The following SH2D4B variants were observed in gnomAD, a reference collection of about 807,000 sequenced individuals.
SH2D4B encodes the protein SH2 domain-containing protein 4B.
SH2D4B carries 45 observed loss-of-function variants against 61.5 expected under a neutral mutation model. The observed-to-expected ratio is 0.73, with a 90% CI of 0.58 to 0.94. The LOEUF is 0.94. SH2D4B is among the 40% of genes least tolerant of loss of function. The pLI, the probability that SH2D4B is intolerant of heterozygous loss-of-function variation, is 0.00. For missense variants in SH2D4B, 572 were observed against 574.2 expected (o/e 1.00, Z 0.04); for synonymous variants, 224 against 220.4 (o/e 1.02, Z -0.14).
At position 80,538,037 on chromosome 10, in the gene SH2D4B, C is replaced by T. The variant is rs545730040; in HGVS notation, c.-295C>T. 11 of 187,234 alleles carry T rather than the reference C, an allele frequency of 5.9e-5. No homozygotes were observed. Among genetic ancestry groups the T allele is most frequent in the Middle Eastern group, 2.0e-3 (1 of 504 alleles). 11.6% of individuals were successfully genotyped at this position (187,234 alleles called of 1,614,324 possible). On this transcript the variant is annotated 5_prime_UTR_variant, in exon 1 of 8. Coordinates refer to ENST00000646907, the MANE Select transcript of SH2D4B (RefSeq NM_001388272.1). The surrounding 1 kb of genome is among the most constrained non-coding windows in gnomAD (Gnocchi z 4.8). Reference sequence around the variant, plus strand: ...CAAGACATGGGCTCTCCTGGGATGCCGTGCTTGGTGACCCAGGAGAAGGAC... The same window carrying T: ...CAAGACATGGGCTCTCCTGGGATGCTGTGCTTGGTGACCCAGGAGAAGGAC...
At chr10:80,635,873 T>C (rs1408496918) in intron 7 of SH2D4B, among the ~76,000 whole-genome samples, 2 of 152,216 alleles carry the variant, frequency 1.3e-5, no homozygotes, top group African/African-American at 4.8e-5. Context: ...CAGGTATACA[T>C]GTGCCATGTT....
intron 1 of SH2D4B, among the ~76,000 whole-genome samples, chr10:80,559,953 T>C (rs1431260703): frequency 6.6e-6 from 1 of 151,870 alleles, no homozygotes; most frequent in African/African-American, 2.4e-5. Flanking sequence ...ATCTATTTTC[T>C]TGCTATATAG....
At chr10:80,634,763 G>A (rs905678767) in intron 7 of SH2D4B, among the ~76,000 whole-genome samples, 1 of 152,140 alleles carries the variant, frequency 6.6e-6, no homozygotes, top group South Asian at 2.1e-4. Flanking sequence ...TTCTCACCTT[G>A]GGTACCTGAG....
At chr10:80,581,049 C>T (rs1456213769) in intron 3 of SH2D4B, among the ~76,000 whole-genome samples, 1 of 152,198 alleles carries the variant, frequency 6.6e-6, no homozygotes, top group Non-Finnish European at 1.5e-5. Context: ...TGTAATGCAA[C>T]AGTAGTTGCA....
chr10:80,639,295 A>G (rs1051186042), intron 7 of SH2D4B, among the ~76,000 whole-genome samples: 9 of 152,210 alleles, frequency 5.9e-5, no homozygotes, highest in Non-Finnish European at 1.2e-4. Context: ...GTAGATGTCT[A>G]TTAGGCCTGC....
chr10:80,601,410 C>T (rs982497301), intron 4 of SH2D4B, among the ~76,000 whole-genome samples: 2 of 152,118 alleles, frequency 1.3e-5, no homozygotes, highest in African/African-American at 2.4e-5. Flanking sequence ...TCAACTTGCC[C>T]CTGAGTGCCT....
intron 4 of SH2D4B, among the ~76,000 whole-genome samples, chr10:80,595,021 C>A (rs765629981): frequency 6.7e-6 from 1 of 149,716 alleles, no homozygotes; most frequent in South Asian, 2.2e-4. Context: ...AACCAAACAG[C>A]GTCTAAAAAA....
chr10:80,616,577 C>G (rs1363865994), intron 6 of SH2D4B, among the ~76,000 whole-genome samples: 1 of 136,102 alleles, frequency 7.3e-6, no homozygotes, highest in Non-Finnish European at 1.5e-5. Context: ...ACTTTGCTTC[C>G]AAGCCTCGCA....
chr10:80,567,645 G>A (rs779387270), intron 1 of SH2D4B, among the ~76,000 whole-genome samples: 74 of 152,244 alleles, frequency 4.9e-4, no homozygotes, highest in Non-Finnish European at 9.4e-4. Flanking sequence ...GAGAGCCACA[G>A]TCTCCAGTCT....
At chr10:80,633,568 C>T (rs568961569) in intron 6 of SH2D4B, among the ~76,000 whole-genome samples, 4 of 152,262 alleles carry the variant, frequency 2.6e-5, no homozygotes, top group South Asian at 2.1e-4. Context: ...TTCTACATCA[C>T]GCCTCCTATA....
At chr10:80,603,492 C>T in intron 4 of SH2D4B, 87 bp from the exon 5 acceptor site, 5 of 1,284,596 alleles carry the variant, frequency 3.9e-6, no homozygotes, top group Non-Finnish European at 4.2e-6. Flanking sequence ...ATTACTTTTG[C>T]ACCAACCAAA....
At chr10:80,541,077 C>T in intron 1 of SH2D4B, 1 of 699,026 alleles carries the variant, frequency 1.4e-6, no homozygotes, top group Non-Finnish European at 2.6e-6. Flanking sequence ...CGGGCGTGCT[C>T]ATGAGAACGT....
intron 1 of SH2D4B, among the ~76,000 whole-genome samples, chr10:80,551,509 G>T (rs543898594): frequency 1.3e-5 from 2 of 151,940 alleles, no homozygotes; most frequent in Non-Finnish European, 2.9e-5. Flanking sequence ...ACTAGCAAAA[G>T]ACAAACAACC....
chr10:80,575,662 C>T (rs1380395542), intron 3 of SH2D4B, among the ~76,000 whole-genome samples: 1 of 152,134 alleles, frequency 6.6e-6, no homozygotes, highest in Non-Finnish European at 1.5e-5. Context: ...GTAATCCCAG[C>T]TACTCAGGAG....
chr10:80,587,620 G>C (rs1842275777), intron 3 of SH2D4B, among the ~76,000 whole-genome samples: 1 of 152,032 alleles, frequency 6.6e-6, no homozygotes, highest in African/African-American at 2.4e-5. Flanking sequence ...TTCCAGAGGT[G>C]CATGTGCAGG....
chr10:80,588,872 C>G, intron 4 of SH2D4B, 95 bp downstream of exon 4: 3 of 1,454,346 alleles, frequency 2.1e-6, no homozygotes, highest in Non-Finnish European at 2.8e-6. Context: ...TTTCCATTCG[C>G]TCACTCACCC....
chr10:80,575,375 A>T (rs1372663331), intron 3 of SH2D4B, among the ~76,000 whole-genome samples: 1 of 152,024 alleles, frequency 6.6e-6, no homozygotes, highest in Non-Finnish European at 1.5e-5. Flanking sequence ...CCAGATAGTA[A>T]ATATTTTAGG....
chr10:80,538,303 C>A lies in SH2D4B; in HGVS notation c.-29C>A. ...GGCCCTGCTTCCCCTGCTGGCTGCCCTTCTGGTGCGTGCATCCCAGGTGGC... is the reference window on the plus strand; with the variant it reads ...GGCCCTGCTTCCCCTGCTGGCTGCCATTCTGGTGCGTGCATCCCAGGTGGC... On this transcript the variant is annotated 5_prime_UTR_variant, in exon 1 of 8. Transcript: ENST00000646907. This position sits in a 1 kb window ranked among gnomAD's most constrained non-coding sequence, Gnocchi z 4.8. 1 of 1,295,982 alleles carries A rather than the reference C, an allele frequency of 7.7e-7. No homozygotes were observed. The highest frequency in any genetic ancestry group is 9.9e-7 in the Non-Finnish European group (1 of 1,013,280). The allele number at this position is 1,295,982 out of a possible 1,614,324, so 80.3% of individuals were successfully genotyped here.
At chr10:80,559,790 A>G (rs895183028) in intron 1 of SH2D4B, among the ~76,000 whole-genome samples, 6 of 151,020 alleles carry the variant, frequency 4.0e-5, no homozygotes, top group Admixed American at 2.6e-4. Context: ...CGCATGCACC[A>G]CCACGTCTGG....
Sources: allele counts gnomAD v4.1 joint callset (sites outside exome capture counted in the v4.1 genomes callset), GRCh38; gene constraint gnomAD v4.1.1; non-coding constraint Gnocchi (gnomAD v3.1); transcripts MANE v1.5; gene names NCBI Gene and HGNC (gene_info 2026-07-23, HGNC 2026-07-21).